The following SMYD3 variants were observed in gnomAD, a reference collection of about 807,000 sequenced individuals.
SMYD3 encodes histone-lysine N-methyltransferase SMYD3.
In SMYD3, 36 loss-of-function variants were observed where a neutral mutation model predicts 57.7. That is an observed-to-expected ratio of 0.62 (90% CI 0.48 to 0.82). The LOEUF (loss-of-function observed/expected upper bound fraction) is 0.82. Ranked by LOEUF, SMYD3 falls within the 40% of genes least tolerant of loss-of-function variation. SMYD3 has a pLI of 0.00. For synonymous variants in SMYD3, 211 were observed against 195.0 expected (o/e 1.08, Z -0.68); for missense variants, 515 against 538.8 (o/e 0.96, Z 0.44).
rs892638566 is a variant in SMYD3, at chr1:245,929,541, C to A, written c.599+329G>T. On this transcript the variant is annotated intron_variant, in intron 6 of 11. Coordinates refer to ENST00000490107, the MANE Select transcript of SMYD3 (RefSeq NM_001167740.2). ...AGTCCGGTGAAATCAGCATGTGCTG[C>A]AGCTCAGGAAACTGGGGAATAACCA... is the stretch of plus-strand genomic sequence containing the variant. Among the ~76,000 whole-genome samples the A allele has an allele frequency of 2.6e-5, 4 of 152,206 alleles. No individual in the cohort carries two copies. The East Asian group carries it at 7.7e-4, about 29-fold the overall frequency.
intron 5 of SMYD3, among the ~76,000 whole-genome samples, chr1:246,094,765 A>G (rs2060884311): frequency 6.6e-6 from 1 of 152,184 alleles, no homozygotes; most frequent in African/African-American, 2.4e-5. Flanking sequence ...TTCACGGCTA[A>G]TGTCCCTCCA....
chr1:246,423,029 G>A (rs145740349), intron 1 of SMYD3, among the ~76,000 whole-genome samples: 1 of 152,142 alleles, frequency 6.6e-6, no homozygotes, highest in African/African-American at 2.4e-5. Context: ...CCGGCGCAGT[G>A]GCTCAGGCAT....
At chr1:245,868,836 G>A (rs1186445205) in intron 8 of SMYD3, among the ~76,000 whole-genome samples, 1 of 152,144 alleles carries the variant, frequency 6.6e-6, no homozygotes, top group African/African-American at 2.4e-5. Context: ...CACTGGGTCT[G>A]TCACGTCTCC....
At chr1:246,483,316 G>A (rs1002259274) in intron 1 of SMYD3, 2 of 152,114 alleles carry the variant, frequency 1.3e-5, no homozygotes, top group African/African-American at 4.8e-5. Context: ...ATTACATAAT[G>A]AGTCATACTA....
chr1:246,445,739 A>AGAGC (rs1454307472), intron 1 of SMYD3, among the ~76,000 whole-genome samples: 4 of 152,306 alleles, frequency 2.6e-5, no homozygotes, highest in African/African-American at 7.2e-5. Flanking sequence ...CTTGTCTGAG[A>AGAGC]GAGCTTAGTA....
At chr1:246,173,852 G>T (rs191968341) in intron 5 of SMYD3, among the ~76,000 whole-genome samples, 1 of 152,192 alleles carries the variant, frequency 6.6e-6, no homozygotes, top group East Asian at 1.9e-4. Context: ...TCCTGCCCTG[G>T]CTGAAGTGCA....
chr1:245,793,123 C>A lies in SMYD3; in HGVS notation c.1077-28974G>T, dbSNP rs185786958. Among the ~76,000 whole-genome samples the A allele has an allele frequency of 1.0e-4, 15 of 145,706 alleles. No homozygotes were observed. In the East Asian group the frequency reaches 1.2e-3, roughly 12 times the overall value. Reference sequence around the variant, plus strand: ...AGGAGATCAAGACCATCCTGGCTAACACGGTGAAACCCCGTCTCTACTAAA... The same window carrying A: ...AGGAGATCAAGACCATCCTGGCTAAAACGGTGAAACCCCGTCTCTACTAAA... On this transcript the variant is annotated intron_variant, in intron 10 of 11. Transcript: ENST00000490107.
intron 5 of SMYD3, among the ~76,000 whole-genome samples, chr1:246,298,287 T>C (rs2064832282): frequency 6.6e-6 from 1 of 152,008 alleles, no homozygotes; most frequent in African/African-American, 2.4e-5. Flanking sequence ...AAAACATAAG[T>C]GCATACTAAT....
chr1:245,913,072 T>C (rs1452746166), intron 8 of SMYD3, among the ~76,000 whole-genome samples: 9 of 152,300 alleles, frequency 5.9e-5, no homozygotes, highest in Admixed American at 2.0e-4. Context: ...CGTATGTTTA[T>C]TGTGGCACTA....
At chr1:246,334,002 T>G (rs966185651) in intron 3 of SMYD3, among the ~76,000 whole-genome samples, 1 of 151,666 alleles carries the variant, frequency 6.6e-6, no homozygotes, top group South Asian at 2.1e-4. Flanking sequence ...ATCAGAGAAA[T>G]GCAAATCAAA....
intron 5 of SMYD3, among the ~76,000 whole-genome samples, chr1:246,079,438 T>C (rs893471176): frequency 6.6e-6 from 1 of 152,222 alleles, no homozygotes; most frequent in Non-Finnish European, 1.5e-5. Flanking sequence ...ATTAGAAATA[T>C]GATAAATTTA....
chr1:246,288,718 G>A (rs2064624795), intron 5 of SMYD3, among the ~76,000 whole-genome samples: 1 of 152,172 alleles, frequency 6.6e-6, no homozygotes, highest in African/African-American at 2.4e-5. Flanking sequence ...ACAAGAAACA[G>A]AAGCACCATT....
chr1:246,242,454 G>C (rs1350478097), intron 5 of SMYD3, among the ~76,000 whole-genome samples: 1 of 152,204 alleles, frequency 6.6e-6, no homozygotes, highest in Non-Finnish European at 1.5e-5. Flanking sequence ...TGGTCTGAGA[G>C]ACAGTTTGTT....
chr1:246,355,079 C>T lies in SMYD3; in HGVS notation c.180G>A (p.Met60Ile). The T allele has an allele frequency of 6.2e-7, 1 of 1,614,176 alleles. No homozygotes were observed. The highest frequency in any genetic ancestry group is 8.5e-7 in the Non-Finnish European group (1 of 1,180,034). ...TGGCGACGCGGCACTGAGAGCATCGCATCAGCTTTTCCTTCCTGTGGGGAA... is the reference window on the plus strand; with the variant it reads ...TGGCGACGCGGCACTGAGAGCATCGTATCAGCTTTTCCTTCCTGTGGGGAA... ...DRCLLGKEKL[M>I]RCSQCRVAKY... The change falls in exon 2 of 12, where the codon ATG (methionine) becomes ATA (isoleucine). Residue 60 changes from methionine (M) to isoleucine (I), a missense_variant. Transcript: ENST00000490107. This position sits in a 1 kb window ranked among gnomAD's most constrained non-coding sequence, Gnocchi z 5.0.
intron 5 of SMYD3, among the ~76,000 whole-genome samples, chr1:246,144,260 C>T (rs553213016): frequency 5.9e-5 from 9 of 152,326 alleles, no homozygotes; most frequent in African/African-American, 1.7e-4. Context: ...CAAACACTGA[C>T]GTGGAACCAG....
At chr1:246,146,161 T>C (rs2061839569) in intron 5 of SMYD3, among the ~76,000 whole-genome samples, 1 of 152,196 alleles carries the variant, frequency 6.6e-6, no homozygotes, top group South Asian at 2.1e-4. Flanking sequence ...AAGCATGCCA[T>C]GTTCTCCGAT....
At chr1:245,951,533 C>T (rs2057648965) in intron 5 of SMYD3, among the ~76,000 whole-genome samples, 1 of 137,284 alleles carries the variant, frequency 7.3e-6, no homozygotes, top group Admixed American at 7.0e-5. Flanking sequence ...CGCGCCCCTG[C>T]ACTCCAGCCT....
intron 5 of SMYD3, among the ~76,000 whole-genome samples, chr1:246,179,768 G>A (rs1033390271): frequency 6.6e-6 from 1 of 152,114 alleles, no homozygotes. Context: ...TTCCATGTTG[G>A]CATTGAGCTC....
intron 5 of SMYD3, among the ~76,000 whole-genome samples, chr1:246,139,840 A>G (rs904001188): frequency 1.3e-5 from 2 of 152,232 alleles, no homozygotes; most frequent in Non-Finnish European, 2.9e-5. Context: ...GAAAGGAAAG[A>G]GCAGCTGATC....
Sources: gnomAD v4.1 joint callset for allele counts (sites outside exome capture counted in the v4.1 genomes callset) on GRCh38, gnomAD v4.1.1 for gene constraint, Gnocchi (gnomAD v3.1) non-coding constraint, MANE v1.5 for transcripts, NCBI Gene and HGNC (gene_info 2026-07-23, HGNC 2026-07-21) for gene names.